NDNF: variants seen among roughly 807,000 people sequenced by gnomAD.
The protein encoded by NDNF is neuron derived neurotrophic factor.
A neutral mutation model predicts 42.0 loss-of-function variants in NDNF; 16 were observed. The ratio of observed to expected loss-of-function variants is 0.38; its 90% CI spans 0.26 to 0.58. The LOEUF (loss-of-function observed/expected upper bound fraction) is 0.58. Ranked by LOEUF, NDNF falls within the 20% of genes least tolerant of loss-of-function variation. The pLI is 0.67. For missense variants in NDNF, 616 were observed against 666.2 expected (o/e 0.92, Z 0.83); for synonymous variants, 248 against 251.7 (o/e 0.99, Z 0.14).
chr4:121,060,217 G>A (rs1375617583), intron 1 of NDNF, among the ~76,000 whole-genome samples: 2 of 151,568 alleles, frequency 1.3e-5, no homozygotes, highest in Non-Finnish European at 2.9e-5. Flanking sequence ...GTCTTGCTCT[G>A]TCACCCAGGC....
intron 1 of NDNF, chr4:121,061,522 T>C (rs1727408116): frequency 6.6e-6 from 1 of 152,184 alleles, no homozygotes; most frequent in African/African-American, 2.4e-5. Flanking sequence ...TCATTTCCTT[T>C]TCCTTCTCTG....
chr4:121,037,019 T>A lies in NDNF; in HGVS notation c.952A>T (p.Asn318Tyr), dbSNP rs1268822345. Reference protein sequence around the residue: ...TQYYFDVFVVNINSNMSTAYV... With the variant: ...TQYYFDVFVVYINSNMSTAYV... ...GCGGTGCTCATGTTGCTGTTGATGT[T>A]GACCACAAATACATCAAAGTAGTAC... The change falls in exon 4 of 4, where the codon AAC becomes TAC. Residue 318 changes from asparagine to tyrosine, a missense_variant. Coordinates refer to ENST00000379692, the MANE Select transcript of NDNF (RefSeq NM_024574.4). 6.2e-7 allele frequency: 1 copy of A among 1,614,018 alleles called. No individual in the cohort carries two copies. The highest frequency in any genetic ancestry group is 1.7e-5 in the Admixed American group (1 of 59,994).
At chr4:121,062,158 T>C (rs941466606) in intron 1 of NDNF, among the ~76,000 whole-genome samples, 1 of 152,208 alleles carries the variant, frequency 6.6e-6, no homozygotes, top group Non-Finnish European at 1.5e-5. Context: ...GGTAAAAGAT[T>C]AGGACCTTAT....
At chr4:121,038,615 TGCA>T (rs1726922379) in intron 3 of NDNF, among the ~76,000 whole-genome samples, 1 of 152,110 alleles carries the variant, frequency 6.6e-6, no homozygotes, top group Non-Finnish European at 1.5e-5. Context: ...AGCTTATCAT[TGCA>T]GGTTGAAAGT....
chr4:121,063,639 TA>T (rs1233634928), intron 1 of NDNF, among the ~76,000 whole-genome samples: 1 of 152,166 alleles, frequency 6.6e-6, no homozygotes, highest in Admixed American at 6.5e-5. Flanking sequence ...AGTAAACTGA[TA>T]ACCTAGTTTA....
At chr4:121,054,620 T>G (rs1432850717) in intron 1 of NDNF, among the ~76,000 whole-genome samples, 9 of 152,136 alleles carry the variant, frequency 5.9e-5, no homozygotes. Flanking sequence ...ATGAAGCAAA[T>G]AAATGTCAGG....
rs777761545 is a variant in NDNF, at chr4:121,040,070, C to A, written c.189-16G>T. On this transcript the variant is annotated splice_polypyrimidine_tract_variant and intron_variant, in intron 2 of 3. Transcript: ENST00000379692. ...AAAGAAATACCTGTGGGAAAGTGGA[C>A]CACTTTAGACCGTGGTAATTCTTTC... 3 of 1,607,672 alleles carry A rather than the reference C, an allele frequency of 1.9e-6. No homozygotes were observed. The highest frequency in any genetic ancestry group is 1.8e-4 in the Middle Eastern group (1 of 5,590).
Position 121,036,229 on chromosome 4 carries a change from G to A in NDNF, c.*35C>T, listed in dbSNP as rs1726861300. On this transcript the variant is annotated 3_prime_UTR_variant, in exon 4 of 4. Coordinates refer to ENST00000379692, the MANE Select transcript of NDNF (RefSeq NM_024574.4). ...CTTAAAGTGATTTAATGTCCCTCCT[G>A]GAGTTCTACATAATATATCTCTATA... 2 of 1,501,308 alleles carry A rather than the reference G, an allele frequency of 1.3e-6. No homozygotes were observed. Among genetic ancestry groups the A allele is most frequent in the African/African-American group, 1.4e-5 (1 of 71,320 alleles). 93.0% of individuals were successfully genotyped at this position (1,501,308 alleles called of 1,614,324 possible).
At chr4:121,045,218 G>A (rs568460069) in intron 2 of NDNF, among the ~76,000 whole-genome samples, 63 of 152,252 alleles carry the variant, frequency 4.1e-4, no homozygotes, top group Admixed American at 1.0e-3. Context: ...CAGGCGTGGT[G>A]GAGGACGCCT....
At position 121,037,273 on chromosome 4, in the gene NDNF, G is replaced by C. The variant is rs754118720; in HGVS notation, c.698C>G (p.Ala233Gly). ...CGGTGCCATCATAAAAGCATCATCT[G>C]CACTCAGTTTTGCTTCCACTGCACA... Reference protein sequence around the residue: ...SLCAVEAKLSADDAFMMAPKP... With the variant: ...SLCAVEAKLSGDDAFMMAPKP... Residue 233 changes from alanine to glycine, a missense_variant, in exon 4 of 4, where the codon GCA becomes GGA. Coordinates refer to ENST00000379692, the MANE Select transcript of NDNF (RefSeq NM_024574.4). 7 of 1,614,120 alleles carry C rather than the reference G, an allele frequency of 4.3e-6. No individual in the cohort carries two copies. The highest frequency in any genetic ancestry group is 5.1e-6 in the Non-Finnish European group (6 of 1,180,020).
intron 1 of NDNF, among the ~76,000 whole-genome samples, chr4:121,053,774 C>G (rs74836599): frequency 0.031 from 4,792 of 152,250 alleles, 243 homozygotes; most frequent in African/African-American, 0.11. Flanking sequence ...ATAATGAAAG[C>G]CCCAAAGGAA....
At chr4:121,051,216 G>T (rs572486991) in intron 1 of NDNF, among the ~76,000 whole-genome samples, 1 of 152,230 alleles carries the variant, frequency 6.6e-6, no homozygotes, top group African/African-American at 2.4e-5. Context: ...TAGGACTATG[G>T]TGATGGGAAC....
chr4:121,054,014 G>T (rs1016401093), intron 1 of NDNF, among the ~76,000 whole-genome samples: 8 of 151,928 alleles, frequency 5.3e-5, no homozygotes, highest in African/African-American at 1.9e-4. Flanking sequence ...GAATTGTTGT[G>T]GTCAATAAAA....
At position 121,035,986 on chromosome 4, in the gene NDNF, C is replaced by T; in HGVS notation, c.*278G>A. 1 of 351,658 alleles carries T rather than the reference C, an allele frequency of 2.8e-6. No homozygotes were observed. The highest frequency in any genetic ancestry group is 5.1e-6 in the Non-Finnish European group (1 of 195,432). The allele number at this position is 351,658 out of a possible 1,614,324, so 21.8% of individuals were successfully genotyped here. A position where few individuals can be genotyped will look rare whatever the true frequency, so the allele number is the denominator to read the frequency against. Reference sequence around the variant, plus strand: ...TAAAATAATTTAGAAGCAGTTCATGCAGTGGTCAAAGCAAGGAATGGCAAG... The same window carrying T: ...TAAAATAATTTAGAAGCAGTTCATGTAGTGGTCAAAGCAAGGAATGGCAAG... On this transcript the variant is annotated 3_prime_UTR_variant, in exon 4 of 4. Coordinates refer to ENST00000379692, the MANE Select transcript of NDNF (RefSeq NM_024574.4).
At chr4:121,044,682 G>A (rs754132814) in intron 2 of NDNF, among the ~76,000 whole-genome samples, 1 of 152,102 alleles carries the variant, frequency 6.6e-6, no homozygotes, top group African/African-American at 2.4e-5. Context: ...AAAACATAAT[G>A]CATTAAGTGT....
Position 121,037,242 on chromosome 4 carries a change from A to T in NDNF, c.729T>A (p.Pro243=), listed in dbSNP as rs150037504. Residue 243 remains proline (P), a synonymous_variant, in exon 4 of 4, where the codon CCT becomes CCA. Transcript: ENST00000379692. ...AGTCAAAGGGGCTGAAGTCCAGACCAGGTTTCGGTGCCATCATAAAAGCAT... is the reference window on the plus strand; with the variant it reads ...AGTCAAAGGGGCTGAAGTCCAGACCTGGTTTCGGTGCCATCATAAAAGCAT... ...ADDAFMMAPK[P]GLDFSPFDFA... is the part of the protein sequence containing the mutation. The T allele has an allele frequency of 1.9e-6, 3 of 1,614,104 alleles. No homozygotes were observed. Among genetic ancestry groups the T allele is most frequent in the Non-Finnish European group, 2.5e-6 (3 of 1,180,004 alleles).
At chr4:121,064,064 A>T (rs1351483765) in intron 1 of NDNF, among the ~76,000 whole-genome samples, 1 of 152,220 alleles carries the variant, frequency 6.6e-6, no homozygotes, top group Non-Finnish European at 1.5e-5. Context: ...ATTAAATTGT[A>T]AAAAACTTCT....
intron 1 of NDNF, among the ~76,000 whole-genome samples, chr4:121,066,868 T>G (rs1031818033): frequency 6.6e-6 from 1 of 152,254 alleles, no homozygotes; most frequent in African/African-American, 2.4e-5. Flanking sequence ...ATATATGTTC[T>G]CAGAGCACAC....
At position 121,047,562 on chromosome 4, in the gene NDNF, C is replaced by T. The variant is rs1727115378; in HGVS notation, c.-1-1724G>A. ...CATAATAACTTATTATGAGGCTTTT[C>T]TTTCCCACTCTTATTTCTTAATTGT... On this transcript the variant is annotated intron_variant, in intron 1 of 3. Transcript: ENST00000379692. 2.0e-5 allele frequency among the ~76,000 whole-genome samples: 3 copies of T among 152,204 alleles called. No homozygotes were observed. In the South Asian group the frequency reaches 6.2e-4, roughly 31 times the overall value.
Sources: gnomAD v4.1 joint callset for allele counts (sites outside exome capture counted in the v4.1 genomes callset) on GRCh38, gnomAD v4.1.1 for gene constraint, MANE v1.5 for transcripts, NCBI Gene and HGNC (gene_info 2026-07-23, HGNC 2026-07-21) for gene names.